GABRG3: variants seen among roughly 807,000 people sequenced by gnomAD.
GABRG3 encodes the protein gamma-aminobutyric acid receptor subunit gamma-3.
In GABRG3, 25 loss-of-function variants were observed where a neutral mutation model predicts 48.8. That is an observed-to-expected ratio of 0.51 (90% confidence interval 0.37 to 0.72). The LOEUF is 0.72. GABRG3 is among the 30% of genes least tolerant of loss of function. The probability of loss-of-function intolerance (pLI) is 0.00; values close to 1 mark genes in which losing one functional copy is unlikely to be tolerated. For synonymous variants in GABRG3, 227 were observed against 217.6 expected (o/e 1.04, Z -0.38); for missense variants, 394 against 577.9 (o/e 0.68, Z 3.26).
intron 5 of GABRG3, among the ~76,000 whole-genome samples, chr15:27,330,421 C>T (rs897897485): frequency 6.6e-5 from 10 of 152,320 alleles, no homozygotes; most frequent in Admixed American, 2.6e-4. Flanking sequence ...CGCAAGTGTG[C>T]GGCCCGTGGA....
At chr15:27,223,979 C>G (rs575582852) in intron 3 of GABRG3, among the ~76,000 whole-genome samples, 69 of 152,304 alleles carry the variant, frequency 4.5e-4, no homozygotes, top group African/African-American at 1.6e-3. Flanking sequence ...CCCTTTAGTC[C>G]CTTTCTCCCA....
intron 3 of GABRG3, among the ~76,000 whole-genome samples, chr15:27,167,960 A>G (rs1887434602): frequency 6.6e-6 from 1 of 152,282 alleles, no homozygotes; most frequent in East Asian, 1.9e-4. Flanking sequence ...TCGCAGTCAG[A>G]TGCCCGCTAG....
intron 5 of GABRG3, among the ~76,000 whole-genome samples, chr15:27,412,747 C>G (rs1887835397): frequency 6.6e-6 from 1 of 152,142 alleles, no homozygotes; most frequent in Non-Finnish European, 1.5e-5. Flanking sequence ...TTTCATCTCT[C>G]CTCCTGTAAC....
rs147321665 is a variant in GABRG3 at position 27,180,618 on chromosome 15, C to T, written c.271-146191C>T. ...ACTCAGATTCTGTTTCTAAGGTGAA[C>T]TTACACATTGTGCCATGTGTGTGTC... On this transcript the variant is annotated intron_variant, in intron 3 of 9. Coordinates refer to ENST00000615808, the MANE Select transcript of GABRG3 (RefSeq NM_033223.5). This position sits in a 1 kb window ranked among gnomAD's most constrained non-coding sequence, Gnocchi z 4.2. Among the ~76,000 whole-genome samples the T allele has an allele frequency of 1.2e-3, 183 of 152,228 alleles. No homozygotes were observed. Among genetic ancestry groups the T allele is most frequent in the African/African-American group, 4.3e-3 (180 of 41,538 alleles).
intron 3 of GABRG3, among the ~76,000 whole-genome samples, chr15:27,257,226 GGTCCTTT>G (rs1890649133): frequency 6.6e-6 from 1 of 151,738 alleles, no homozygotes; most frequent in South Asian, 2.1e-4. Flanking sequence ...TGTCTCTTTA[GGTCCTTT>G]GTCCTTTTTA....
chr15:27,423,590 AG>A (rs1301394625), intron 5 of GABRG3, among the ~76,000 whole-genome samples: 1 of 151,104 alleles, frequency 6.6e-6, no homozygotes. Flanking sequence ...CTGTCGCCAA[AG>A]CTTGAGTACA....
intron 6 of GABRG3, among the ~76,000 whole-genome samples, chr15:27,518,644 G>T (rs530758144): frequency 2.0e-5 from 3 of 152,120 alleles, no homozygotes; most frequent in Non-Finnish European, 4.4e-5. Flanking sequence ...AAAAAGAAGA[G>T]CATGCTATGC....
intron 3 of GABRG3, among the ~76,000 whole-genome samples, chr15:27,048,390 T>C (rs1456096526): frequency 6.6e-6 from 1 of 151,914 alleles, no homozygotes; most frequent in Non-Finnish European, 1.5e-5. Context: ...TAGATATGGA[T>C]GTGTTCGGAA....
chr15:26,976,983 T>C lies in GABRG3; in HGVS notation c.54-19T>C. 6.2e-7 allele frequency: 1 copy of C among 1,613,804 alleles called. No individual in the cohort carries two copies. The highest frequency in any genetic ancestry group is 8.5e-7 in the Non-Finnish European group (1 of 1,179,812). Reference sequence around the variant, plus strand: ...CATTGCTGCCACTTATATGTCGCATTTTTGTGCTGTAACTCCAGGTCCAGA... The same window carrying C: ...CATTGCTGCCACTTATATGTCGCATCTTTGTGCTGTAACTCCAGGTCCAGA... On this transcript the variant is annotated intron_variant, in intron 1 of 9. Transcript: ENST00000615808. The surrounding 1 kb of genome is among the most constrained non-coding windows in gnomAD (Gnocchi z 7.8).
At chr15:27,223,747 T>C (rs1328960299) in intron 3 of GABRG3, among the ~76,000 whole-genome samples, 1 of 152,148 alleles carries the variant, frequency 6.6e-6, no homozygotes, top group Non-Finnish European at 1.5e-5. Context: ...CACTGTGCTC[T>C]TGCCTCCCCT....
chr15:27,359,037 A>C (rs967683000), intron 5 of GABRG3, among the ~76,000 whole-genome samples: 8 of 152,214 alleles, frequency 5.3e-5, no homozygotes, highest in African/African-American at 1.9e-4. Flanking sequence ...GGCTGCCTGC[A>C]CTGCAGGCTC....
intron 3 of GABRG3, among the ~76,000 whole-genome samples, chr15:27,152,531 A>G (rs1369188142): frequency 6.6e-6 from 1 of 152,198 alleles, no homozygotes; most frequent in Non-Finnish European, 1.5e-5. Flanking sequence ...TCTTGCTGGA[A>G]TTTTGATAGA....
chr15:27,045,906 A>G (rs376511700), intron 3 of GABRG3, among the ~76,000 whole-genome samples: 12 of 152,274 alleles, frequency 7.9e-5, no homozygotes, highest in African/African-American at 2.9e-4. Context: ...TTCTAAATGC[A>G]TGGAGAAACA....
intron 3 of GABRG3, among the ~76,000 whole-genome samples, chr15:27,189,542 T>C (rs1190419669): frequency 6.6e-6 from 1 of 151,832 alleles, no homozygotes; most frequent in African/African-American, 2.4e-5. Context: ...CTGTTATTGG[T>C]GTATAAGAAT....
At position 27,236,273 on chromosome 15, in the gene GABRG3, G is replaced by T. The variant is rs1471093705; in HGVS notation, c.271-90536G>T. The stretch of plus-strand genomic sequence containing the variant: ...TGAGTGAAGTCCCTCAGTCTCCCAG[G>T]GTCTACTTGCACAGCACTGGAGGGA... On this transcript the variant is annotated intron_variant, in intron 3 of 9. Coordinates refer to ENST00000615808, the MANE Select transcript of GABRG3 (RefSeq NM_033223.5). This position sits in a 1 kb window ranked among gnomAD's most constrained non-coding sequence, Gnocchi z 4.4. Among the ~76,000 whole-genome samples the T allele has an allele frequency of 6.6e-6, 1 of 152,100 alleles. No individual in the cohort carries two copies. Among genetic ancestry groups the T allele is most frequent in the East Asian group, 1.9e-4 (1 of 5,156 alleles).
chr15:27,097,706 G>C (rs915878924), intron 3 of GABRG3, among the ~76,000 whole-genome samples: 3 of 152,108 alleles, frequency 2.0e-5, no homozygotes. Context: ...GCTGAAGCCT[G>C]GGGGAGGTGT....
chr15:27,103,909 A>G (rs1897404151), intron 3 of GABRG3, among the ~76,000 whole-genome samples: 1 of 152,228 alleles, frequency 6.6e-6, no homozygotes, highest in South Asian at 2.1e-4. Flanking sequence ...TGCCTTGTAA[A>G]TGCTCTTTTG....
intron 3 of GABRG3, among the ~76,000 whole-genome samples, chr15:27,096,838 C>CT (rs34613626): frequency 0.078 from 9,805 of 126,068 alleles, 1,335 homozygotes; most frequent in African/African-American, 0.27. Flanking sequence ...TTCTTTCTAT[C>CT]TTTTTTTTTT....
chr15:27,214,480 T>C (rs1298987139), intron 3 of GABRG3, among the ~76,000 whole-genome samples: 1 of 152,152 alleles, frequency 6.6e-6, no homozygotes, highest in Non-Finnish European at 1.5e-5. Context: ...GCCTCTGACT[T>C]AACTTTTCAG....
Sources: allele counts gnomAD v4.1 joint callset (sites outside exome capture counted in the v4.1 genomes callset), GRCh38; gene constraint gnomAD v4.1.1; non-coding constraint Gnocchi (gnomAD v3.1); transcripts MANE v1.5; gene names NCBI Gene and HGNC (gene_info 2026-07-23, HGNC 2026-07-21).